Variants in PLK3 observed in about 807,000 individuals in gnomAD.
The protein encoded by PLK3 is serine/threonine-protein kinase PLK3.
Under a neutral mutation model 71.6 loss-of-function variants are expected in PLK3, and 41 were observed. The ratio of observed to expected loss-of-function variants is 0.57; its 90% confidence interval spans 0.45 to 0.74. PLK3 has a LOEUF of 0.74. Ranked by LOEUF, PLK3 falls within the 30% of genes least tolerant of loss-of-function variation. PLK3 has a pLI of 0.00. For synonymous variants in PLK3, 366 were observed against 355.4 expected, an observed-to-expected ratio of 1.03 and a Z score of -0.33; for missense variants, 791 against 875.6, an observed-to-expected ratio of 0.90 and a Z score of 1.22.
chr1:44,801,509 A>G, intron 3 of PLK3, 113 bp from the exon 4 acceptor site: 1 of 1,177,926 alleles, frequency 8.5e-7, no homozygotes, highest in East Asian at 2.4e-5. Context: ...CACCCAGCCG[A>G]GAAGACAGTC....
Position 44,803,352 on chromosome 1 carries a change from G to T in PLK3, c.1033G>T (p.Ala345Ser). The T allele has an allele frequency of 6.2e-7, 1 of 1,614,132 alleles. No individual in the cohort carries two copies. ...TPPNPARSLFAKVTKSLFGRK... is the reference protein window; with the variant it reads ...TPPNPARSLFSKVTKSLFGRK... ...CCCCAACCCAGCTAGGAGTCTGTTT[G>T]CCAAAGTTACCAAGAGCCTCTTTGG... Residue 345 changes from alanine (A) to serine (S), a missense_variant, in exon 8 of 15, where the codon GCC becomes TCC. Ala to Ser is a moderately conservative substitution (Grantham distance 99). Transcript: ENST00000372201. The surrounding 1 kb of genome is among the most constrained non-coding windows in gnomAD (Gnocchi z 4.3).
chr1:44,800,818 G>A lies in PLK3; in HGVS notation c.211-22G>A, dbSNP rs369130874. 1.2e-6 allele frequency: 2 copies of A among 1,600,654 alleles called. No individual in the cohort carries two copies. Among genetic ancestry groups the A allele is most frequent in the Non-Finnish European group, 8.5e-7 (1 of 1,174,928 alleles). ...AGACTCGGCCCCCCTGGAACAACCA[G>A]CCTGATGCCCCCTCTTCACAGGGGG... On this transcript the variant is annotated intron_variant, in intron 1 of 14. Coordinates refer to ENST00000372201, the MANE Select transcript of PLK3 (RefSeq NM_004073.4). The surrounding 1 kb of genome is among the most constrained non-coding windows in gnomAD (Gnocchi z 6.5).
rs1470174517 is a variant in PLK3 at position 44,805,835 on chromosome 1, G to A, written c.*157G>A. On this transcript the variant is annotated 3_prime_UTR_variant, in exon 15 of 15. Coordinates refer to ENST00000372201, the MANE Select transcript of PLK3 (RefSeq NM_004073.4). ...CTGGAGTTGGGGGCGGCTTGTCTTCGCTGGCTCCTACCCCATCTCCAAGAT... is the reference window on the plus strand; with the variant it reads ...CTGGAGTTGGGGGCGGCTTGTCTTCACTGGCTCCTACCCCATCTCCAAGAT... 35 of 1,338,434 alleles carry A rather than the reference G, an allele frequency of 2.6e-5. No homozygotes were observed. Among genetic ancestry groups the A allele is most frequent in the South Asian group, 3.0e-5 (2 of 66,424 alleles). 82.9% of individuals were successfully genotyped at this position (1,338,434 alleles called of 1,614,324 possible).
At position 44,805,437 on chromosome 1, in the gene PLK3, A is replaced by C. The variant is rs759368893; in HGVS notation, c.1750-50A>C. The C allele has an allele frequency of 1.9e-6, 3 of 1,608,884 alleles. No individual in the cohort carries two copies. In the South Asian group the frequency reaches 3.3e-5, roughly 18 times the overall value. ...TGGGAGGCCCAGGGTGCTGGGGAGGAAGCTGGGCCCGGAGCCTAGGTCCTG... is the reference window on the plus strand; with the variant it reads ...TGGGAGGCCCAGGGTGCTGGGGAGGCAGCTGGGCCCGGAGCCTAGGTCCTG... On this transcript the variant is annotated intron_variant, in intron 14 of 14. Transcript: ENST00000372201.
In PLK3 at chr1:44,805,885, A is replaced by G. The variant is rs1353135691; in HGVS notation, c.*207A>G. The G allele has an allele frequency of 7.0e-7, 1 of 1,430,816 alleles. No individual in the cohort carries two copies. The highest frequency in any genetic ancestry group is 9.3e-7 in the Non-Finnish European group (1 of 1,079,302). 88.6% of individuals were successfully genotyped at this position (1,430,816 alleles called of 1,614,324 possible). ...TAAGCCTGAGCCTTAGCTCCCAGCTAGGGGGCGTTATTTATGGACCACTTT... is the reference window on the plus strand; with the variant it reads ...TAAGCCTGAGCCTTAGCTCCCAGCTGGGGGGCGTTATTTATGGACCACTTT... On this transcript the variant is annotated 3_prime_UTR_variant, in exon 15 of 15. Transcript: ENST00000372201.
At position 44,800,767 on chromosome 1, in the gene PLK3, C is replaced by T. The variant is rs1359733027; in HGVS notation, c.211-73C>T. Reference sequence around the variant, plus strand: ...GCCGAGCAGGGCGTGGGCACTTGACCCCCAACGCGGGGACGCCCGCGGGCC... The same window carrying T: ...GCCGAGCAGGGCGTGGGCACTTGACTCCCAACGCGGGGACGCCCGCGGGCC... On this transcript the variant is annotated intron_variant, in intron 1 of 14. Transcript: ENST00000372201. The surrounding 1 kb of genome is among the most constrained non-coding windows in gnomAD (Gnocchi z 6.5). 1.2e-5 allele frequency: 18 copies of T among 1,545,564 alleles called. No homozygotes were observed. The highest frequency in any genetic ancestry group is 1.5e-5 in the Non-Finnish European group (17 of 1,145,774).
Position 44,802,774 on chromosome 1 carries a change from C to T in PLK3, c.668C>T (p.Thr223Ile), listed in dbSNP as rs769240296. The T allele has an allele frequency of 6.2e-7, 1 of 1,612,912 alleles. No homozygotes were observed. Among genetic ancestry groups the T allele is most frequent in the South Asian group, 1.1e-5 (1 of 91,028 alleles). ...CCCTCTTTCAGGACCATCTGTGGCA[C>T]CCCCAACTATGTGGCTCCAGAAGTG... is the stretch of plus-strand genomic sequence containing the variant. Reference protein sequence around the residue: ...PEQRKKTICGTPNYVAPEVLL... With the variant: ...PEQRKKTICGIPNYVAPEVLL... Residue 223 changes from threonine to isoleucine, a missense_variant, in exon 6 of 15, where the codon ACC (threonine) becomes ATC (isoleucine). Coordinates refer to ENST00000372201, the MANE Select transcript of PLK3 (RefSeq NM_004073.4).
In PLK3 at chr1:44,803,013, C is replaced by G; in HGVS notation, c.808C>G (p.Arg270Gly). The G allele has an allele frequency of 1.2e-6, 2 of 1,614,032 alleles. No individual in the cohort carries two copies. The highest frequency in any genetic ancestry group is 8.5e-7 in the Non-Finnish European group (1 of 1,179,986). ...FETADLKETY[R>G]CIKQVHYTLP... The stretch of plus-strand genomic sequence containing the variant: ...GACGGCTGACCTGAAGGAGACGTAC[C>G]GCTGCATCAAGCAGGTTCACTACAC... Residue 270 changes from arginine to glycine, a missense_variant, in exon 7 of 15, where the codon CGC becomes GGC. Transcript: ENST00000372201. This position sits in a 1 kb window ranked among gnomAD's most constrained non-coding sequence, Gnocchi z 4.3.
Position 44,805,786 on chromosome 1 carries a change from C to T in PLK3, c.*108C>T, listed in dbSNP as rs1439101865. 1 of 1,350,412 alleles carries T rather than the reference C, an allele frequency of 7.4e-7. No homozygotes were observed. The highest frequency in any genetic ancestry group is 1.5e-5 in the African/African-American group (1 of 68,136). 83.7% of individuals were successfully genotyped at this position (1,350,412 alleles called of 1,614,324 possible). On this transcript the variant is annotated 3_prime_UTR_variant, in exon 15 of 15. Transcript: ENST00000372201. ...CACTGGGGGCTTTGGGCCGAATCCC[C>T]CAGGGAATCAGGGACCAGCTTTACT... is the stretch of plus-strand genomic sequence containing the variant.
chr1:44,803,767 G>T lies in PLK3; in HGVS notation c.1164+76G>T. ...GCTGAGGGAAGCCGGGGATAAAAGAGGCTGCTGAAGCATCCAGCCTCGTGG... is the reference window on the plus strand; with the variant it reads ...GCTGAGGGAAGCCGGGGATAAAAGATGCTGCTGAAGCATCCAGCCTCGTGG... On this transcript the variant is annotated intron_variant, in intron 9 of 14. Transcript: ENST00000372201. This position sits in a 1 kb window ranked among gnomAD's most constrained non-coding sequence, Gnocchi z 4.3. 1 of 1,259,268 alleles carries T rather than the reference G, an allele frequency of 7.9e-7. No individual in the cohort carries two copies. The allele number at this position is 1,259,268 out of a possible 1,614,324, so 78.0% of individuals were successfully genotyped here. A position where few individuals can be genotyped will look rare whatever the true frequency, so the allele number is the denominator to read the frequency against.
rs1258676333 is a variant in PLK3 at position 44,802,873 on chromosome 1, G to A, written c.749+18G>A. 1.2e-6 allele frequency: 2 copies of A among 1,611,508 alleles called. No homozygotes were observed. Among genetic ancestry groups the A allele is most frequent in the South Asian group, 2.2e-5 (2 of 91,044 alleles). On this transcript the variant is annotated intron_variant, in intron 6 of 14. Transcript: ENST00000372201. ...TGTGTCATGTGAGTTGCAGGGTCCA[G>A]GTTCAGCAGCAGACAGGTGGTGGGT...
chr1:44,804,074 T>A (rs1651927868), intron 10 of PLK3, 50 bp downstream of exon 10: 1 of 1,546,658 alleles, frequency 6.5e-7, no homozygotes. Context: ...GGAGCTGAGA[T>A]CAGGGGCGAG....
Position 44,803,974 on chromosome 1 carries a change from C to T in PLK3, c.1208C>T (p.Thr403Ile), listed in dbSNP as rs1465833823. 2 of 1,552,886 alleles carry T rather than the reference C, an allele frequency of 1.3e-6. No homozygotes were observed. The highest frequency in any genetic ancestry group is 1.4e-5 in the African/African-American group (1 of 73,080). ...CCAGCCCCTGTCAGCCTGGTAGAGA[C>T]AGCACCTGAAGACAGCTCACCCCGT... The part of the protein sequence containing the change: ...SGPAPVSLVE[T>I]APEDSSPRGT... Residue 403 changes from threonine (T) to isoleucine (I), a missense_variant, in exon 10 of 15, where the codon ACA becomes ATA. Thr to Ile is a moderately conservative substitution (Grantham distance 89). Transcript: ENST00000372201. This position sits in a 1 kb window ranked among gnomAD's most constrained non-coding sequence, Gnocchi z 4.3.
At position 44,803,052 on chromosome 1, in the gene PLK3, C is replaced by T. The variant is rs17880471; in HGVS notation, c.847C>T (p.Leu283Phe). 65 of 1,613,988 alleles carry T rather than the reference C, an allele frequency of 4.0e-5. 1 individual carries two copies. In the East Asian group the frequency reaches 1.2e-3, roughly 30 times the overall value. The change falls in exon 7 of 15, where the codon CTC becomes TTC. Residue 283 changes from leucine (L) to phenylalanine (F), a missense_variant. Coordinates refer to ENST00000372201, the MANE Select transcript of PLK3 (RefSeq NM_004073.4). This position sits in a 1 kb window ranked among gnomAD's most constrained non-coding sequence, Gnocchi z 4.3. Reference sequence around the variant, plus strand: ...GGTTCACTACACGCTGCCTGCCAGCCTCTCACTGCCTGCCCGGCAGCTCCT... The same window carrying T: ...GGTTCACTACACGCTGCCTGCCAGCTTCTCACTGCCTGCCCGGCAGCTCCT... ...KQVHYTLPASLSLPARQLLAA... is the reference protein window; with the variant it reads ...KQVHYTLPASFSLPARQLLAA...
Position 44,800,744 on chromosome 1 carries a change from C to T in PLK3, c.210+71C>T. 6.5e-7 allele frequency: 1 copy of T among 1,534,500 alleles called. No individual in the cohort carries two copies. On this transcript the variant is annotated intron_variant, in intron 1 of 14. Coordinates refer to ENST00000372201, the MANE Select transcript of PLK3 (RefSeq NM_004073.4). This position sits in a 1 kb window ranked among gnomAD's most constrained non-coding sequence, Gnocchi z 6.5. ...TCCCGGCCGGCCTCTTTTCTGGCGC[C>T]GAGCAGGGCGTGGGCACTTGACCCC... is the stretch of plus-strand genomic sequence containing the variant.
Position 44,804,794 on chromosome 1 carries a change from G to A in PLK3, c.1635+15G>A. 1.2e-6 allele frequency: 2 copies of A among 1,612,978 alleles called. No individual in the cohort carries two copies. Among genetic ancestry groups the A allele is most frequent in the Non-Finnish European group, 1.7e-6 (2 of 1,179,316 alleles). On this transcript the variant is annotated intron_variant, in intron 13 of 14. Coordinates refer to ENST00000372201, the MANE Select transcript of PLK3 (RefSeq NM_004073.4). ...ACCTCATGAAGGTGTGAGGGCTGGG[G>A]CTGTGGTACATTGAAACCTAACCCA...
Position 44,803,230 on chromosome 1 carries a change from GAGCCTCTCTTCT to G in PLK3, c.949-37_949-26del. 1 of 1,612,334 alleles carries G rather than the reference GAGCCTCTCTTCT, an allele frequency of 6.2e-7. No individual in the cohort carries two copies. Among genetic ancestry groups the G allele is most frequent in the Non-Finnish European group, 8.5e-7 (1 of 1,178,636 alleles). Reference sequence around the variant, plus strand: ...AAGGGGGCAGGTGACAGGACCCCTGGAGCCTCTCTTCTCTGTTCACATGGTTCCCCTCCCTAG... The same window carrying G: ...AAGGGGGCAGGTGACAGGACCCCTGGCTGTTCACATGGTTCCCCTCCCTAG... On this transcript the variant is annotated intron_variant, in intron 7 of 14. Transcript: ENST00000372201. The surrounding 1 kb of genome is among the most constrained non-coding windows in gnomAD (Gnocchi z 4.3).
Position 44,801,873 on chromosome 1 carries a change from A to T in PLK3, c.594A>T (p.Glu198Asp). The T allele has an allele frequency of 6.2e-7, 1 of 1,613,912 alleles. No individual in the cohort carries two copies. Among genetic ancestry groups the T allele is most frequent in the East Asian group, 2.2e-5 (1 of 44,880 alleles). ...ATTTTTTCATCACTGAGAACATGGA[A>T]CTGAAGGTGGGGGATTTTGGGCTGG... ...LGNFFITENM[E>D]LKVGDFGLAA... Residue 198 changes from glutamate (E) to aspartate (D), a missense_variant, in exon 5 of 15, where the codon GAA becomes GAT. Glu to Asp is a conservative substitution (Grantham distance 45). Transcript: ENST00000372201.
intron 13 of PLK3, 145 bp downstream of exon 13, chr1:44,804,924 T>C: frequency 1.4e-6 from 1 of 731,062 alleles, no homozygotes. Flanking sequence ...GCTAACAAGG[T>C]GAAACCCCGT....
Sources: gnomAD v4.1 joint callset for allele counts on GRCh38, gnomAD v4.1.1 for gene constraint, Gnocchi (gnomAD v3.1) non-coding constraint, MANE v1.5 for transcripts, NCBI Gene and HGNC (gene_info 2026-07-23, HGNC 2026-07-21) for gene names.